The following NEURL1 variants were observed in gnomAD, a reference collection of about 807,000 sequenced individuals.
NEURL1 encodes the protein E3 ubiquitin-protein ligase NEURL1.
A neutral mutation model predicts 41.2 loss-of-function variants in NEURL1; 26 were observed. The observed-to-expected ratio is 0.63, with a 90% CI of 0.46 to 0.87. The LOEUF (loss-of-function observed/expected upper bound fraction) is 0.87. NEURL1 is among the 40% of genes least tolerant of loss of function. NEURL1 has a pLI of 0.00. For missense variants in NEURL1, 761 were observed against 871.1 expected (o/e 0.87, Z 1.59); for synonymous variants, 400 against 402.3 (o/e 0.99, Z 0.07).
intron 1 of NEURL1, among the ~76,000 whole-genome samples, chr10:103,512,367 A>G (rs544363049): frequency 1.3e-5 from 2 of 152,214 alleles, no homozygotes; most frequent in Admixed American, 1.3e-4. Context: ...GACCAGTGAC[A>G]GTGTGGCCTG....
chr10:103,554,961 CTG>C (rs1279108389), intron 1 of NEURL1, among the ~76,000 whole-genome samples: 2 of 152,120 alleles, frequency 1.3e-5, no homozygotes, highest in Non-Finnish European at 2.9e-5. Flanking sequence ...TGAGATGGGG[CTG>C]TGTGTGATGG....
chr10:103,499,366 C>CT (rs2033766956), intron 1 of NEURL1, among the ~76,000 whole-genome samples: 1 of 152,090 alleles, frequency 6.6e-6, no homozygotes, highest in African/African-American at 2.4e-5. Context: ...TGGACAAGGT[C>CT]TTAGCTATTT....
At chr10:103,529,049 A>G (rs2034518714) in intron 1 of NEURL1, among the ~76,000 whole-genome samples, 1 of 152,216 alleles carries the variant, frequency 6.6e-6, no homozygotes, top group African/African-American at 2.4e-5. Context: ...AAAAAAACTA[A>G]AAAACAGCAA....
At chr10:103,527,592 G>A (rs983460007) in intron 1 of NEURL1, among the ~76,000 whole-genome samples, 24 of 152,074 alleles carry the variant, frequency 1.6e-4, no homozygotes, top group African/African-American at 5.6e-4. Context: ...ACTGCACCTG[G>A]CCTATTGTAT....
Position 103,592,156 on chromosome 10 carries a change from C to T in NEURL1, c.*1784C>T, listed in dbSNP as rs2036064427. The stretch of plus-strand genomic sequence containing the variant: ...TGTGTGGCCCTGGCCGAGTCGTAGC[C>T]CCCTGGAGCCCAGCTTCCATTTCTA... On this transcript the variant is annotated 3_prime_UTR_variant, in exon 6 of 6. Transcript: ENST00000369780. This position sits in a 1 kb window ranked among gnomAD's most constrained non-coding sequence, Gnocchi z 4.8. 1 of 152,292 alleles carries T rather than the reference C, an allele frequency of 6.6e-6. No individual in the cohort carries two copies. Among genetic ancestry groups the T allele is most frequent in the African/African-American group, 2.4e-5 (1 of 41,464 alleles). 9.4% of individuals were successfully genotyped at this position (152,292 alleles called of 1,614,324 possible). A position where few individuals can be genotyped will look rare whatever the true frequency, so the allele number is the denominator to read the frequency against.
chr10:103,505,808 G>T (rs576779483), intron 1 of NEURL1, among the ~76,000 whole-genome samples: 71 of 152,352 alleles, frequency 4.7e-4, no homozygotes, highest in African/African-American at 1.7e-3. Context: ...CAGCAGGGCT[G>T]AGCCCTGGCC....
chr10:103,494,709 C>G, intron 1 of NEURL1: 1 of 527,262 alleles, frequency 1.9e-6, no homozygotes, highest in Non-Finnish European at 3.3e-6. Flanking sequence ...TCACTGGAGT[C>G]CCCTCAGGCC....
Position 103,584,822 on chromosome 10 carries a change from G to A in NEURL1, c.936G>A (p.Thr312=), listed in dbSNP as rs1478273801. ...ACGTCCGCATCCTCGACGAGCAGAC[G>A]GTGGCGCGCGTGGAGCACGGGCGCG... ...GAHVRILDEQ[T]VARVEHGRDE... Residue 312 remains threonine, a synonymous_variant, in exon 4 of 6, where the codon ACG becomes ACA. Transcript: ENST00000369780. 4 of 1,417,588 alleles carry A rather than the reference G, an allele frequency of 2.8e-6. No individual in the cohort carries two copies. The highest frequency in any genetic ancestry group is 1.5e-5 in the African/African-American group (1 of 66,268). 87.8% of individuals were successfully genotyped at this position (1,417,588 alleles called of 1,614,324 possible).
At chr10:103,582,103 G>C (rs4918024) in intron 3 of NEURL1, among the ~76,000 whole-genome samples, 42,638 of 151,918 alleles carry the variant, frequency 0.28, 6,485 homozygotes, top group East Asian at 0.45. Flanking sequence ...TGAGGGGGTG[G>C]TGTGGGCCCT....
intron 1 of NEURL1, among the ~76,000 whole-genome samples, chr10:103,565,295 G>C (rs2035396161): frequency 6.6e-6 from 1 of 152,200 alleles, no homozygotes; most frequent in Admixed American, 6.5e-5. Context: ...GTGGCTCAGT[G>C]GGTGATGATC....
chr10:103,589,080 G>T (rs1244595193), intron 4 of NEURL1: 1 of 381,670 alleles, frequency 2.6e-6, no homozygotes. Flanking sequence ...GGTGATATCT[G>T]GGGACAGTGG....
chr10:103,540,228 A>G (rs1376524249), intron 1 of NEURL1, among the ~76,000 whole-genome samples: 4 of 152,234 alleles, frequency 2.6e-5, no homozygotes, highest in Non-Finnish European at 5.9e-5. Context: ...CATTGAGATC[A>G]TAATGTGAGA....
chr10:103,541,466 A>G (rs2034819690), intron 1 of NEURL1, among the ~76,000 whole-genome samples: 1 of 152,178 alleles, frequency 6.6e-6, no homozygotes, highest in Non-Finnish European at 1.5e-5. Context: ...ACCTTGGAGT[A>G]TCCTTCAGCC....
chr10:103,519,594 T>C (rs533861497), intron 1 of NEURL1, among the ~76,000 whole-genome samples: 91 of 152,312 alleles, frequency 6.0e-4, no homozygotes, highest in African/African-American at 2.1e-3. Flanking sequence ...ATCTGAGGGC[T>C]GGTCGGGTCT....
intron 1 of NEURL1, among the ~76,000 whole-genome samples, chr10:103,548,749 T>C (rs1245953455): frequency 1.3e-5 from 2 of 152,222 alleles, no homozygotes; most frequent in Admixed American, 6.5e-5. Context: ...GTTGCTGTTA[T>C]GGATGGAGCC....
intron 1 of NEURL1, among the ~76,000 whole-genome samples, chr10:103,546,961 T>G (rs995026696): frequency 1.6e-4 from 25 of 152,190 alleles, no homozygotes; most frequent in Non-Finnish European, 3.1e-4. Context: ...TTTCCTCATT[T>G]GTAAGGAAGG....
intron 1 of NEURL1, among the ~76,000 whole-genome samples, chr10:103,495,847 C>T (rs1340682330): frequency 1.3e-5 from 2 of 152,198 alleles, no homozygotes; most frequent in African/African-American, 4.8e-5. Flanking sequence ...GTGGCTCACG[C>T]CTGTAATCCG....
At chr10:103,567,025 C>T (rs909449671) in intron 1 of NEURL1, among the ~76,000 whole-genome samples, 6 of 151,434 alleles carry the variant, frequency 4.0e-5, no homozygotes, top group African/African-American at 1.5e-4. Context: ...CTCTGTTGCC[C>T]AGGCTGGAGT....
rs1279831483 is a variant in NEURL1 at position 103,590,116 on chromosome 10, G to C, written c.1487-18G>C. On this transcript the variant is annotated intron_variant, in intron 5 of 5. Transcript: ENST00000369780. Reference sequence around the variant, plus strand: ...GTTGGGCCATGTCTCCTCCTGACTGGTGCCCCCTTGTCCTCAGGGACAGCC... The same window carrying C: ...GTTGGGCCATGTCTCCTCCTGACTGCTGCCCCCTTGTCCTCAGGGACAGCC... The C allele has an allele frequency of 6.2e-7, 1 of 1,611,364 alleles. No individual in the cohort carries two copies. Among genetic ancestry groups the C allele is most frequent in the African/African-American group, 1.3e-5 (1 of 74,882 alleles).
Sources: gnomAD v4.1 joint callset for allele counts (sites outside exome capture counted in the v4.1 genomes callset) on GRCh38, gnomAD v4.1.1 for gene constraint, Gnocchi (gnomAD v3.1) non-coding constraint, MANE v1.5 for transcripts, NCBI Gene and HGNC (gene_info 2026-07-23, HGNC 2026-07-21) for gene names.